The following NINL variants were observed in gnomAD, a reference collection of about 807,000 sequenced individuals.
NINL encodes ninein like.
In NINL, 153 loss-of-function variants were observed where a neutral mutation model predicts 160.3. The ratio of observed to expected loss-of-function variants is 0.95; its 90% CI spans 0.84 to 1.09. NINL has a LOEUF of 1.09. Ranked by LOEUF, NINL falls within the 50% of genes least tolerant of loss-of-function variation. The pLI is 0.00. For synonymous variants in NINL, 800 were observed against 734.8 expected (o/e 1.09, Z -1.43); for missense variants, 1,829 against 1,764.0 (o/e 1.04, Z -0.66).
chr20:25,495,012 T>C (rs890039273), intron 10 of NINL, among the ~76,000 whole-genome samples: 1 of 152,194 alleles, frequency 6.6e-6, no homozygotes, highest in Non-Finnish European at 1.5e-5. Context: ...GGACTCAGTT[T>C]GTTTGGCTGA....
rs140983788 is a variant in NINL, at chr20:25,476,513, G to A, written c.2778C>T (p.Phe926=). 3.2e-5 allele frequency: 51 copies of A among 1,602,066 alleles called. 1 individual carries two copies. The highest frequency in any genetic ancestry group is 4.2e-5 in the Non-Finnish European group (49 of 1,179,828). Residue 926 remains phenylalanine (F), a synonymous_variant, in exon 17 of 24, where the codon TTC becomes TTT. Coordinates refer to ENST00000278886, the MANE Select transcript of NINL (RefSeq NM_025176.6). ...GCTCCAGCCCCGCTGCGCTCGCGCC[G>A]AAAGGCTCTGGCTCCTTTGGGACAA... is the stretch of plus-strand genomic sequence containing the variant. ...GDIVPKEPEP[F]GASAAGLEQP...
intron 5 of NINL, among the ~76,000 whole-genome samples, chr20:25,506,193 G>A (rs896745267): frequency 6.6e-6 from 1 of 152,174 alleles, no homozygotes; most frequent in Admixed American, 6.5e-5. Flanking sequence ...CCCAAGAGGC[G>A]GACATTGCAG....
intron 13 of NINL, among the ~76,000 whole-genome samples, chr20:25,485,156 C>T (rs1048768628): frequency 2.0e-5 from 3 of 152,046 alleles, no homozygotes. Flanking sequence ...AACAATCTGG[C>T]CCTGGGTAGA....
At chr20:25,489,569 T>G (rs1336420809) in intron 12 of NINL, among the ~76,000 whole-genome samples, 1 of 151,928 alleles carries the variant, frequency 6.6e-6, no homozygotes, top group East Asian at 1.9e-4. Context: ...ACCCTGACCC[T>G]GGGCAGCCCC....
intron 1 of NINL, among the ~76,000 whole-genome samples, chr20:25,571,170 C>A (rs1183852055): frequency 6.6e-6 from 1 of 152,176 alleles, no homozygotes; most frequent in African/African-American, 2.4e-5. Flanking sequence ...CCTGTAAGAA[C>A]CACGTCAAAA....
chr20:25,578,402 C>T (rs2065139299), intron 1 of NINL, among the ~76,000 whole-genome samples: 1 of 152,036 alleles, frequency 6.6e-6, no homozygotes, highest in South Asian at 2.1e-4. Flanking sequence ...GCCACCTCGC[C>T]CGGCCCTGAA....
At chr20:25,580,587 G>A (rs1600379314) in intron 1 of NINL, among the ~76,000 whole-genome samples, 1 of 152,144 alleles carries the variant, frequency 6.6e-6, no homozygotes. Flanking sequence ...AAAGACAATC[G>A]GGTTCAGAAA....
At chr20:25,469,149 A>C (rs1468676310) in intron 18 of NINL, among the ~76,000 whole-genome samples, 145 of 69,732 alleles carry the variant, frequency 2.1e-3, no homozygotes, top group African/African-American at 5.7e-3. Context: ...TGGGTGCCCC[A>C]CTGCCCTGTC....
chr20:25,453,860 C>A (rs765380329), intron 23 of NINL, among the ~76,000 whole-genome samples: 1 of 151,970 alleles, frequency 6.6e-6, no homozygotes, highest in South Asian at 2.1e-4. Flanking sequence ...ACCATCCTGG[C>A]GAACACGGTG....
intron 1 of NINL, among the ~76,000 whole-genome samples, chr20:25,564,731 G>C (rs759219576): frequency 6.6e-6 from 1 of 151,864 alleles, no homozygotes; most frequent in Non-Finnish European, 1.5e-5. Context: ...GGGATTACAG[G>C]TGTGAGCCAT....
intron 1 of NINL, among the ~76,000 whole-genome samples, chr20:25,583,560 G>C (rs1456355114): frequency 6.6e-6 from 1 of 152,218 alleles, no homozygotes; most frequent in African/African-American, 2.4e-5. Flanking sequence ...GTGGAAGACA[G>C]TGTGGCGATT....
chr20:25,493,244 C>T (rs1406336867), intron 10 of NINL, among the ~76,000 whole-genome samples: 1 of 152,164 alleles, frequency 6.6e-6, no homozygotes, highest in Non-Finnish European at 1.5e-5. Flanking sequence ...ACAAGGAGCA[C>T]TCTTGTCTAG....
At chr20:25,557,468 C>T (rs879065892) in intron 1 of NINL, among the ~76,000 whole-genome samples, 1 of 151,384 alleles carries the variant, frequency 6.6e-6, no homozygotes, top group Admixed American at 6.6e-5. Flanking sequence ...GAGGCGGAGG[C>T]TTCAGTGAGC....
At position 25,480,223 on chromosome 20, in the gene NINL, C is replaced by G. The variant is rs200438908; in HGVS notation, c.1855G>C (p.Glu619Gln). ...GNSAPVSIET[E>Q]LMMEQVKEHY... ...TCCTTTACCTGCTCCATCATCAGCTCCGTTTCTATACTCACTGGAGCAGAA... is the reference window on the plus strand; with the variant it reads ...TCCTTTACCTGCTCCATCATCAGCTGCGTTTCTATACTCACTGGAGCAGAA... Residue 619 changes from glutamate to glutamine, a missense_variant, in exon 15 of 24, where the codon GAG becomes CAG. Transcript: ENST00000278886. 1 of 1,614,084 alleles carries G rather than the reference C, an allele frequency of 6.2e-7. No homozygotes were observed. The highest frequency in any genetic ancestry group is 2.2e-5 in the East Asian group (1 of 44,880).
chr20:25,509,704 C>T (rs933170510), intron 5 of NINL: 4 of 456,634 alleles, frequency 8.8e-6, no homozygotes, highest in Non-Finnish European at 1.8e-5. Context: ...CTCTTGCAGG[C>T]ATCATGTAAG....
intron 1 of NINL, among the ~76,000 whole-genome samples, chr20:25,529,191 T>C (rs2064407979): frequency 6.6e-6 from 1 of 152,090 alleles, no homozygotes; most frequent in South Asian, 2.1e-4. Context: ...GGAGGATAGC[T>C]TGAGCCCAGG....
chr20:25,522,061 A>C (rs768830485), intron 2 of NINL, among the ~76,000 whole-genome samples: 1 of 151,850 alleles, frequency 6.6e-6, no homozygotes, highest in Non-Finnish European at 1.5e-5. Context: ...GTGTACCACC[A>C]CCCCCAGCTA....
rs141751406 is a variant in NINL at position 25,523,253 on chromosome 20, A to AATAT, written c.180+3151_180+3154dup. ...ATGAGAGAATATATATATATGAGAG[A>AATAT]ATATATATATATATATGAGACAAGG... is the stretch of plus-strand genomic sequence containing the variant. On this transcript the variant is annotated intron_variant, in intron 2 of 23. Transcript: ENST00000278886. Among the ~76,000 whole-genome samples, 238 of 149,074 alleles carry AATAT rather than the reference A, an allele frequency of 1.6e-3. 3 individuals are homozygous for AATAT. Among genetic ancestry groups the AATAT allele is most frequent in the African/African-American group, 5.5e-3 (224 of 40,874 alleles).
At chr20:25,470,728 C>A (rs1353913084) in intron 17 of NINL, among the ~76,000 whole-genome samples, 1 of 152,164 alleles carries the variant, frequency 6.6e-6, no homozygotes, top group Non-Finnish European at 1.5e-5. Flanking sequence ...GGAGTGGCGG[C>A]ATGCATCTGT....
Sources: allele counts gnomAD v4.1 joint callset (sites outside exome capture counted in the v4.1 genomes callset), GRCh38; gene constraint gnomAD v4.1.1; transcripts MANE v1.5; gene names NCBI Gene and HGNC (gene_info 2026-07-23, HGNC 2026-07-21).